POLR1C: variants seen among roughly 807,000 people sequenced by gnomAD.
The protein encoded by POLR1C is RNA polymerase I and III subunit C.
A neutral mutation model predicts 38.3 loss-of-function variants in POLR1C; 42 were observed. The ratio of observed to expected loss-of-function variants is 1.10; its 90% CI spans 0.86 to 1.42. The LOEUF is 1.42. Among genes scored for constraint, POLR1C ranks in the 40% most tolerant of loss-of-function variants. The pLI is 0.00. For missense variants in POLR1C, 507 were observed against 450.5 expected (o/e 1.13, Z -1.14); for synonymous variants, 163 against 163.9 (o/e 0.99, Z 0.04).
At chr6:43,546,249 A>G (rs1271479536) in intron 9 of POLR1C, among the ~76,000 whole-genome samples, 1 of 152,216 alleles carries the variant, frequency 6.6e-6, no homozygotes, top group East Asian at 1.9e-4. Flanking sequence ...CAATTCCTTT[A>G]CTAAAAAATT....
chr6:43,526,884 A>T (rs952405862), intron 8 of POLR1C: 1 of 810,982 alleles, frequency 1.2e-6, no homozygotes, highest in Non-Finnish European at 2.1e-6. Context: ...AAGGCACAAG[A>T]ATTAGCTTCA....
rs372299856 is a variant in POLR1C at position 43,521,473 on chromosome 6, A to G, written c.*173A>G. 4.9e-6 allele frequency: 7 copies of G among 1,438,228 alleles called. No individual in the cohort carries two copies. The African/African-American group carries it at 1.0e-4, about 21-fold the overall frequency. The allele number at this position is 1,438,228 out of a possible 1,614,324, so 89.1% of individuals were successfully genotyped here. ...ATAAAATGAGACTTTTTACGCCTTT[A>G]TAAGGCCTTAGATGTAAATAAACTC... On this transcript the variant is annotated 3_prime_UTR_variant, in exon 9 of 9. Coordinates refer to ENST00000642195, the MANE Select transcript of POLR1C (RefSeq NM_203290.4).
At chr6:43,554,430 T>C (rs1761919213) in intron 10 of POLR1C, among the ~76,000 whole-genome samples, 1 of 150,924 alleles carries the variant, frequency 6.6e-6, no homozygotes, top group African/African-American at 2.4e-5. Flanking sequence ...TTCTTTTTTT[T>C]TTTTTTCTTT....
chr6:43,530,076 G>A (rs533960711), downstream of POLR1C, among the ~76,000 whole-genome samples: 7 of 152,098 alleles, frequency 4.6e-5, no homozygotes, highest in South Asian at 6.2e-4. Flanking sequence ...CCAACATGGC[G>A]AAAACCTGTC....
chr6:43,525,702 G>A, downstream of POLR1C: 1 of 903,440 alleles, frequency 1.1e-6, no homozygotes, highest in Non-Finnish European at 1.6e-6. Flanking sequence ...GGTTTTTTCT[G>A]GGGCCTTTGG....
intron 8 of POLR1C, chr6:43,526,754 C>A: frequency 6.2e-7 from 1 of 1,613,454 alleles, no homozygotes; most frequent in South Asian, 1.1e-5. Flanking sequence ...ACCGCTAAAG[C>A]AAGAAAGCAG....
chr6:43,546,576 A>G lies in POLR1C; in HGVS notation c.*5-4392A>G, dbSNP rs973613620. 8 of 1,607,072 alleles carry G rather than the reference A, an allele frequency of 5.0e-6. No homozygotes were observed. In the African/African-American group the frequency reaches 1.1e-4, roughly 22 times the overall value. The stretch of plus-strand genomic sequence containing the variant: ...AAGCCATTATTCTGACTCACCTTAT[A>G]AGCGCAAGCAAATTGTCAAGAAGTT... On this transcript the variant is annotated intron_variant, in intron 9 of 10. Coordinates refer to the POLR1C transcript ENST00000607635.
chr6:43,555,696 C>T, intron 10 of POLR1C: 2 of 1,026,376 alleles, frequency 1.9e-6, no homozygotes, highest in Admixed American at 3.4e-5. Flanking sequence ...GAAAACGCTC[C>T]CTCTCCAGGA....
chr6:43,541,868 C>T (rs1794713085), intron 9 of POLR1C, among the ~76,000 whole-genome samples: 1 of 152,224 alleles, frequency 6.6e-6, no homozygotes, highest in Non-Finnish European at 1.5e-5. Context: ...ACCTCCATCT[C>T]CTGGGTTCGA....
downstream of POLR1C, chr6:43,525,234 G>A (rs956453372): frequency 2.6e-6 from 4 of 1,556,262 alleles, no homozygotes; most frequent in African/African-American, 2.7e-5. Flanking sequence ...AAAAGATGAA[G>A]AGTTACAATG....
At chr6:43,525,546 G>GT (rs1275396811), downstream of POLR1C, 5 of 518,424 alleles carry the variant, frequency 9.6e-6, no homozygotes, top group East Asian at 9.7e-5. Context: ...GAGAAAACCT[G>GT]TATGTGTAGG....
chr6:43,560,498 A>C (rs1762362429), intron 10 of POLR1C, among the ~76,000 whole-genome samples: 1 of 152,212 alleles, frequency 6.6e-6, no homozygotes. Context: ...TGGATCAAGG[A>C]AATTACCTGG....
intron 9 of POLR1C, chr6:43,549,456 C>A: frequency 6.4e-7 from 1 of 1,566,756 alleles, no homozygotes. Context: ...TGTAACCAAA[C>A]TTGGCTACTT....
At position 43,519,781 on chromosome 6, in the gene POLR1C, C is replaced by T. The variant is rs1255115751; in HGVS notation, c.325C>T (p.Arg109Cys). Reference protein sequence around the residue: ...SIVQDEILAHRLGLIPIHADP... With the variant: ...SIVQDEILAHCLGLIPIHADP... Reference sequence around the variant, plus strand: ...TGTTCAGGATGAGATTCTTGCTCACCGTCTGGGGCTCATTCCCATTCATGC... The same window carrying T: ...TGTTCAGGATGAGATTCTTGCTCACTGTCTGGGGCTCATTCCCATTCATGC... The change falls in exon 4 of 9, where the codon CGT becomes TGT. Residue 109 changes from arginine (R) to cysteine (C), a missense_variant. By Grantham distance (180) the Arg-to-Cys change is radical (BLOSUM62 -3). Transcript: ENST00000642195. 8.1e-6 allele frequency: 13 copies of T among 1,613,984 alleles called. No individual in the cohort carries two copies. Among genetic ancestry groups the T allele is most frequent in the Admixed American group, 1.7e-5 (1 of 59,994 alleles).
downstream of POLR1C, chr6:43,526,412 C>T (rs75568525): frequency 0.044 from 21,479 of 488,512 alleles, 702 homozygotes; most frequent in African/African-American, 0.11. Flanking sequence ...TGGTCATGGA[C>T]GATCTCTGGG....
exon 9 of POLR1C, chr6:43,529,283 C>T: frequency 7.6e-7 from 1 of 1,310,552 alleles, no homozygotes; most frequent in Non-Finnish European, 1.0e-6. Context: ...TGGCTCACAC[C>T]TGTAATCCCA....
At chr6:43,541,382 A>G (rs916157575) in intron 9 of POLR1C, among the ~76,000 whole-genome samples, 7 of 152,262 alleles carry the variant, frequency 4.6e-5, no homozygotes, top group African/African-American at 1.7e-4. Flanking sequence ...TACCCCATAA[A>G]TATATGTATG....
intron 9 of POLR1C, chr6:43,547,671 C>G (rs1271429033): frequency 6.2e-7 from 1 of 1,613,892 alleles, no homozygotes; most frequent in Non-Finnish European, 8.5e-7. Context: ...GATCTGTACC[C>G]ACATACGCAA....
intron 10 of POLR1C, chr6:43,560,886 T>C: frequency 6.6e-7 from 1 of 1,524,540 alleles, no homozygotes; most frequent in Non-Finnish European, 9.1e-7. Flanking sequence ...TTGGTTCACC[T>C]AACTAAACTT....
Sources: allele counts gnomAD v4.1 joint callset (sites outside exome capture counted in the v4.1 genomes callset), GRCh38; gene constraint gnomAD v4.1.1; transcripts MANE v1.5; gene names NCBI Gene and HGNC (gene_info 2026-07-23, HGNC 2026-07-21).